The following SLIT3 variants were observed in gnomAD, a reference collection of about 807,000 sequenced individuals.
SLIT3 encodes slit guidance ligand 3, also known as slit homolog 3 protein.
Under a neutral mutation model 184.0 loss-of-function variants are expected in SLIT3, and 68 were observed. The ratio of observed to expected loss-of-function variants is 0.37; its 90% CI spans 0.30 to 0.45. SLIT3 has a LOEUF of 0.45. Ranked by LOEUF, SLIT3 falls within the 20% of genes least tolerant of loss-of-function variation. The pLI is 1.00. For synonymous variants in SLIT3, 831 were observed against 828.6 expected (o/e 1.00, Z -0.05); for missense variants, 1,707 against 2,026.0 (o/e 0.84, Z 3.02).
At chr5:169,123,566 G>A (rs1217522961) in intron 4 of SLIT3, among the ~76,000 whole-genome samples, 3 of 152,194 alleles carry the variant, frequency 2.0e-5, no homozygotes, top group Non-Finnish European at 2.9e-5. Flanking sequence ...AAAGTTGAAC[G>A]AGGCCTTTAC....
chr5:169,264,468 G>A (rs1413075606), intron 1 of SLIT3, among the ~76,000 whole-genome samples: 9 of 152,218 alleles, frequency 5.9e-5, no homozygotes, highest in South Asian at 2.1e-4. Context: ...GTGAGCCACC[G>A]TGCCTGGCCG....
chr5:169,226,932 G>C (rs559750361), intron 3 of SLIT3, among the ~76,000 whole-genome samples: 9 of 152,268 alleles, frequency 5.9e-5, no homozygotes, highest in African/African-American at 1.9e-4. Context: ...ATATACTAAG[G>C]CTAGACTGAC....
Position 168,671,264 on chromosome 5 carries a change from T to C in SLIT3, c.4061A>G (p.Glu1354Gly). The stretch of plus-strand genomic sequence containing the variant: ...TGGGCCGGTCCAGCCTGGGCGGCAC[T>C]CGCACACCACGCTGTCCTTCTCCAC... Reference protein sequence around the residue: ...RSVEKDSVVCECRPGWTGPLC... With the variant: ...RSVEKDSVVCGCRPGWTGPLC... The change falls in exon 34 of 36, where the codon GAG becomes GGG. Residue 1354 changes from glutamate to glycine, a missense_variant. Coordinates refer to ENST00000519560, the MANE Select transcript of SLIT3 (RefSeq NM_003062.4). 6.2e-7 allele frequency: 1 copy of C among 1,613,590 alleles called. No individual in the cohort carries two copies.
intron 4 of SLIT3, among the ~76,000 whole-genome samples, chr5:169,170,609 C>T (rs1361343671): frequency 3.3e-5 from 5 of 152,200 alleles, no homozygotes; most frequent in African/African-American, 4.8e-5. Context: ...GCTCTGCAGG[C>T]TGCTACCTTA....
chr5:168,814,471 G>A (rs1054241596), intron 8 of SLIT3, among the ~76,000 whole-genome samples: 1 of 152,162 alleles, frequency 6.6e-6, no homozygotes, highest in African/African-American at 2.4e-5. Flanking sequence ...GTATCCTTCA[G>A]ATGCCTTGTG....
intron 5 of SLIT3, among the ~76,000 whole-genome samples, chr5:168,870,189 A>G (rs1034525575): frequency 6.6e-6 from 1 of 152,234 alleles, no homozygotes; most frequent in African/African-American, 2.4e-5. Context: ...CATCTAGCAA[A>G]TATTTTTGAT....
At chr5:168,743,203 TTTTATTGCACTTTGC>T (rs1260207310) in intron 20 of SLIT3, among the ~76,000 whole-genome samples, 2 of 152,188 alleles carry the variant, frequency 1.3e-5, no homozygotes, top group Non-Finnish European at 2.9e-5. Flanking sequence ...GCGTACCTTG[TTTTATTGCACTTTGC>T]TTTATTGCAC....
At chr5:169,274,490 G>C (rs1375673163) in intron 1 of SLIT3, among the ~76,000 whole-genome samples, 1 of 152,188 alleles carries the variant, frequency 6.6e-6, no homozygotes. Context: ...CTGGGGCCTA[G>C]TCAGTAGCCA....
At chr5:169,251,619 T>C (rs533638202) in intron 1 of SLIT3, among the ~76,000 whole-genome samples, 160 bp from the exon 2 acceptor site, 2 of 152,312 alleles carry the variant, frequency 1.3e-5, no homozygotes, top group South Asian at 2.1e-4. Context: ...CTTAAGGATA[T>C]TGTATGGAAT....
chr5:168,678,482 G>C (rs1761482172), intron 32 of SLIT3, among the ~76,000 whole-genome samples: 1 of 152,136 alleles, frequency 6.6e-6, no homozygotes, highest in South Asian at 2.1e-4. Context: ...AGGAGTTCGA[G>C]ACCAGCCTGG....
chr5:168,847,397 T>C (rs1200599009), intron 5 of SLIT3, among the ~76,000 whole-genome samples: 1 of 152,174 alleles, frequency 6.6e-6, no homozygotes, highest in Non-Finnish European at 1.5e-5. Context: ...CAAGACAAGA[T>C]GCCACATTCA....
At chr5:168,862,825 C>A (rs2113751637) in intron 5 of SLIT3, among the ~76,000 whole-genome samples, 1 of 152,258 alleles carries the variant, frequency 6.6e-6, no homozygotes, top group Middle Eastern at 3.4e-3. Context: ...CAGGCACCCA[C>A]CACCATGCCT....
At chr5:169,062,364 TA>T (rs1758201842) in intron 4 of SLIT3, among the ~76,000 whole-genome samples, 1 of 152,194 alleles carries the variant, frequency 6.6e-6, no homozygotes, top group Non-Finnish European at 1.5e-5. Context: ...ACATGAATGC[TA>T]CATAGACACC....
chr5:169,165,897 C>T (rs918671283), intron 4 of SLIT3, among the ~76,000 whole-genome samples: 1 of 152,174 alleles, frequency 6.6e-6, no homozygotes, highest in Non-Finnish European at 1.5e-5. Context: ...CCAGCTATGT[C>T]CCCAGCACCT....
At chr5:168,916,486 G>A (rs972648540) in intron 4 of SLIT3, among the ~76,000 whole-genome samples, 3 of 152,336 alleles carry the variant, frequency 2.0e-5, no homozygotes, top group East Asian at 3.9e-4. Flanking sequence ...CGCCAAGCAC[G>A]TCACTTACTG....
intron 4 of SLIT3, among the ~76,000 whole-genome samples, chr5:168,969,475 A>G (rs1754484273): frequency 6.6e-6 from 1 of 152,172 alleles, no homozygotes; most frequent in Non-Finnish European, 1.5e-5. Flanking sequence ...CATCTACATT[A>G]CCCCAAATTG....
chr5:168,928,897 G>A (rs370022394), intron 4 of SLIT3, among the ~76,000 whole-genome samples: 5 of 152,214 alleles, frequency 3.3e-5, no homozygotes, highest in African/African-American at 1.2e-4. Context: ...TCTGCTGAAA[G>A]TCCCTGGGCT....
At chr5:168,903,628 T>C (rs1304169446) in intron 4 of SLIT3, among the ~76,000 whole-genome samples, 1 of 152,082 alleles carries the variant, frequency 6.6e-6, no homozygotes, top group Non-Finnish European at 1.5e-5. Flanking sequence ...TCAGGAATGG[T>C]CCTTCTGCTG....
At chr5:168,998,582 T>G (rs912705537) in intron 4 of SLIT3, among the ~76,000 whole-genome samples, 14 of 152,016 alleles carry the variant, frequency 9.2e-5, no homozygotes, top group African/African-American at 3.4e-4. Flanking sequence ...CGCATACCTG[T>G]AATCCCAGCT....
Sources: allele counts gnomAD v4.1 joint callset (sites outside exome capture counted in the v4.1 genomes callset), GRCh38; gene constraint gnomAD v4.1.1; transcripts MANE v1.5; gene names NCBI Gene and HGNC (gene_info 2026-07-23, HGNC 2026-07-21).